The following PSG9 variants were observed in gnomAD, a reference collection of about 807,000 sequenced individuals.
The protein encoded by PSG9 is pregnancy specific beta-1-glycoprotein 9, also known as pregnancy-specific beta-1-glycoprotein 9.
In PSG9, 49 loss-of-function variants were observed where a neutral mutation model predicts 41.9. The ratio of observed to expected loss-of-function variants is 1.17; its 90% CI spans 0.93 to 1.48. PSG9 has a LOEUF of 1.48. PSG9 is among the 40% of genes most tolerant of loss of function. PSG9 has a pLI of 0.00. For synonymous variants in PSG9, 263 were observed against 196.8 expected (o/e 1.34, Z -2.82); for missense variants, 641 against 520.3 (o/e 1.23, Z -2.26).
At position 43,258,399 on chromosome 19, in the gene PSG9, T is replaced by A. The variant is rs112346011; in HGVS notation, c.1046A>T (p.Asn349Ile). ...TTCCGTGAAGCAGGACAAGTCGAGG[T>A]TTTCTCCTGAACGGTAATAGGTGAA... The part of the protein sequence containing the change: ...PSFTYYRSGE[N>I]LDLSCFTESN... The change falls in exon 5 of 6, where the codon AAC becomes ATC. Residue 349 changes from asparagine (N) to isoleucine (I), a missense_variant. By Grantham distance (149) the Asn-to-Ile change is moderately radical (BLOSUM62 -3). Transcript: ENST00000270077. The A allele has an allele frequency of 2.6e-3, 4,118 of 1,591,172 alleles. 684 individuals are homozygous for A. In the African/African-American group the frequency reaches 0.051, roughly 20 times the overall value.
chr19:43,264,311 T>C (rs1968864097), intron 2 of PSG9, among the ~76,000 whole-genome samples: 1 of 152,176 alleles, frequency 6.6e-6, no homozygotes, highest in South Asian at 2.1e-4. Flanking sequence ...AAGTTGAATA[T>C]GTTGTTCCAC....
rs1479193078 is a variant in PSG9 at position 43,259,241 on chromosome 19, C to A, written c.710-106G>T. On this transcript the variant is annotated intron_variant, in intron 3 of 5. Transcript: ENST00000270077. ...CTCCCACCTCTCAGCCCACCCGAGT[C>A]CTTGAAAGCCAATAGCTGGTGCGTG... 3 of 1,486,266 alleles carry A rather than the reference C, an allele frequency of 2.0e-6. 1 individual carries two copies. Among genetic ancestry groups the A allele is most frequent in the Non-Finnish European group, 2.7e-6 (3 of 1,113,918 alleles). The allele number at this position is 1,486,266 out of a possible 1,614,324, so 92.1% of individuals were successfully genotyped here.
rs773438368 is a variant in PSG9 at position 43,267,932 on chromosome 19, T to G, written c.282A>C (p.Ala94=). Residue 94 remains alanine (A), a synonymous_variant, in exon 2 of 6, where the codon GCA becomes GCC. Coordinates refer to ENST00000270077, the MANE Select transcript of PSG9 (RefSeq NM_002784.5). ...AATATACTGTTTCTCTTCCACTGTA[T>G]GCAGGCCCATATATAATTATTTTAC... ...VDGKIIIYGP[A]YSGRETVYSN... is the part of the protein sequence containing the mutation. 2 of 1,613,678 alleles carry G rather than the reference T, an allele frequency of 1.2e-6. No homozygotes were observed. Among genetic ancestry groups the G allele is most frequent in the African/African-American group, 1.3e-5 (1 of 74,872 alleles).
At chr19:43,260,417 T>G (rs1968655827) in intron 3 of PSG9, 1 of 147,992 alleles carries the variant, frequency 6.8e-6, no homozygotes, top group Admixed American at 6.7e-5. Flanking sequence ...AAATCTAAAA[T>G]GCTTCAGTGA....
At chr19:43,267,122 A>G (rs35207205) in intron 2 of PSG9, among the ~76,000 whole-genome samples, 32,431 of 151,942 alleles carry the variant, frequency 0.21, 4,241 homozygotes, top group East Asian at 0.48. Flanking sequence ...CTTTCTATGG[A>G]CTGTCCTAAG....
In PSG9 at chr19:43,258,215, T is replaced by G; in HGVS notation, c.1230A>C (p.Thr410=). The change falls in exon 5 of 6, where the codon ACA becomes ACC. Residue 410 remains threonine (T), a synonymous_variant. Transcript: ENST00000270077. ...ATGKEISKSM[T]VKVSGPCHGD... ...GGATCCACTTACCAGAGACTTTGAC[T>G]GTCATGGATTTGGAGATTTCCTTGC... 2 of 1,592,806 alleles carry G rather than the reference T, an allele frequency of 1.3e-6. No homozygotes were observed. The highest frequency in any genetic ancestry group is 8.5e-7 in the Non-Finnish European group (1 of 1,174,484).
chr19:43,266,893 C>A (rs1968995201), intron 2 of PSG9, among the ~76,000 whole-genome samples: 2 of 152,228 alleles, frequency 1.3e-5, no homozygotes, highest in Admixed American at 6.5e-5. Context: ...ATCAAATAAA[C>A]TAAATGGCAA....
At chr19:43,257,473 C>T (rs56313579) in intron 5 of PSG9, 66,775 of 976,808 alleles carry the variant, frequency 0.068, 5,384 homozygotes, top group Middle Eastern at 0.098. Context: ...GTCCTCCGTG[C>T]TGTGTCCCAC....
chr19:43,268,740 G>GT (rs878914818), intron 1 of PSG9, among the ~76,000 whole-genome samples: 20 of 151,502 alleles, frequency 1.3e-4, no homozygotes, highest in African/African-American at 3.2e-4. Flanking sequence ...TGCCCTGGGT[G>GT]TTTTTTTTTC....
rs779626288 is a variant in PSG9, at chr19:43,256,611, GAGAT to G, written c.1243+1587_1243+1590del. Among the ~76,000 whole-genome samples the G allele has an allele frequency of 2.8e-4, 41 of 146,386 alleles. 4 individuals are homozygous for G. Among genetic ancestry groups the G allele is most frequent in the Non-Finnish European group, 5.2e-4 (35 of 67,372 alleles). On this transcript the variant is annotated intron_variant, in intron 5 of 5. Coordinates refer to ENST00000270077, the MANE Select transcript of PSG9 (RefSeq NM_002784.5). ...AGTTCCTCAGCATCACGAATACCTG[GAGAT>G]ATGCAAATCAAACCCACAATGCTAC...
At position 43,253,762 on chromosome 19, in the gene PSG9, G is replaced by A. The variant is rs564821179; in HGVS notation, c.1244-116C>T. 2.5e-4 allele frequency: 160 copies of A among 637,822 alleles called. 4 individuals carry two copies. The highest frequency in any genetic ancestry group is 9.6e-4 in the South Asian group (44 of 46,058). 39.5% of individuals were successfully genotyped at this position (637,822 alleles called of 1,614,324 possible). A position where few individuals can be genotyped will look rare whatever the true frequency, so the allele number is the denominator to read the frequency against. ...GTGAAAGCAAGCCTAGTTCTCTGAG[G>A]CTCTATTTAACTCTAATGGGTGGCT... On this transcript the variant is annotated intron_variant, in intron 5 of 5. Transcript: ENST00000270077.
intron 5 of PSG9, chr19:43,257,829 G>A (rs1968503045): frequency 7.4e-7 from 1 of 1,354,176 alleles, no homozygotes; most frequent in South Asian, 2.1e-5. Context: ...GTCCCTTGTA[G>A]CTCATGGAAT....
At chr19:43,262,363 T>A (rs1968766070) in intron 2 of PSG9, among the ~76,000 whole-genome samples, 1 of 152,074 alleles carries the variant, frequency 6.6e-6, no homozygotes, top group African/African-American at 2.4e-5. Context: ...TAAGTGTGAA[T>A]TGAGCAGCAG....
rs1238411176 is a variant in PSG9 at position 43,268,073 on chromosome 19, C to T, written c.141G>A (p.Glu47=). The T allele has an allele frequency of 4.3e-6, 7 of 1,613,628 alleles. No individual in the cohort carries two copies. The African/African-American group carries it at 9.4e-5, about 22-fold the overall frequency. The change falls in exon 2 of 6, where the codon GAG becomes GAA. Residue 47 remains glutamate, a synonymous_variant. Transcript: ENST00000270077. ...GGACAAGTAGAAGAACATCCTTCCC[C>T]TCAGAAACTTTGGGTGGCTGGGCTT... The part of the protein sequence containing the change: ...TIEAQPPKVS[E]GKDVLLLVHN...
chr19:43,253,412 A>G lies in PSG9; in HGVS notation c.*197T>C. 1 of 424,622 alleles carries G rather than the reference A, an allele frequency of 2.4e-6. No homozygotes were observed. The highest frequency in any genetic ancestry group is 4.1e-6 in the Non-Finnish European group (1 of 242,784). 26.3% of individuals were successfully genotyped at this position (424,622 alleles called of 1,614,324 possible). A position where few individuals can be genotyped will look rare whatever the true frequency, so the allele number is the denominator to read the frequency against. On this transcript the variant is annotated 3_prime_UTR_variant, in exon 6 of 6. Coordinates refer to ENST00000270077, the MANE Select transcript of PSG9 (RefSeq NM_002784.5). ...ATTTTTGTTTACAAAAGTATACTTT[A>G]CCAATTGCTGAAGAAAAAAAGTTCA...
chr19:43,258,160 C>A, intron 5 of PSG9, 42 bp downstream of exon 5: 1 of 1,592,120 alleles, frequency 6.3e-7, no homozygotes, highest in Non-Finnish European at 8.5e-7. Context: ...CAGATAGACT[C>A]CACATAAAAC....
chr19:43,258,603 T>C lies in PSG9; in HGVS notation c.989-147A>G, dbSNP rs935168096. The C allele has an allele frequency of 3.0e-5, 42 of 1,406,234 alleles. 7 individuals carry two copies. In the African/African-American group the frequency reaches 5.6e-4, roughly 19 times the overall value. 87.1% of individuals were successfully genotyped at this position (1,406,234 alleles called of 1,614,324 possible). On this transcript the variant is annotated intron_variant, in intron 4 of 5. Coordinates refer to ENST00000270077, the MANE Select transcript of PSG9 (RefSeq NM_002784.5). Reference sequence around the variant, plus strand: ...CCTCTATGTTCACTGAGCTGAAGCCTGAGGTATTCACCTGTTTCTCCCATC... The same window carrying C: ...CCTCTATGTTCACTGAGCTGAAGCCCGAGGTATTCACCTGTTTCTCCCATC...
At position 43,259,122 on chromosome 19, in the gene PSG9, G is replaced by T. The variant is rs4028445; in HGVS notation, c.723C>A (p.Ile241=). 8.2e-6 allele frequency: 13 copies of T among 1,590,558 alleles called. No individual in the cohort carries two copies. Among genetic ancestry groups the T allele is most frequent in the Non-Finnish European group, 1.1e-5 (13 of 1,174,304 alleles). Residue 241 remains isoleucine (I), a synonymous_variant, in exon 4 of 6, where the codon ATC becomes ATA. Coordinates refer to ENST00000270077, the MANE Select transcript of PSG9 (RefSeq NM_002784.5). ...TTAAGTTGTTGATGGTGATGTAGGG[G>T]ATGGGCAGCTTCGCTGTGTGGATAA... ...VTLNLLPKLP[I]PYITINNLNP...
At position 43,258,266 on chromosome 19, in the gene PSG9, A is replaced by G; in HGVS notation, c.1179T>C (p.Ala393=). The G allele has an allele frequency of 6.3e-7, 1 of 1,593,002 alleles. No homozygotes were observed. The highest frequency in any genetic ancestry group is 1.4e-5 in the African/African-American group (1 of 70,966). Residue 393 remains alanine (A), a synonymous_variant, in exon 5 of 6, where the codon GCT becomes GCC. Coordinates refer to ENST00000270077, the MANE Select transcript of PSG9 (RefSeq NM_002784.5). ...QITRNHSGLY[A]CSVHNSATGK... ...CAGTGGCTGAGTTATGAACAGAGCAAGCATAGAGCCCGCTATGATTTCTAG... is the reference window on the plus strand; with the variant it reads ...CAGTGGCTGAGTTATGAACAGAGCAGGCATAGAGCCCGCTATGATTTCTAG...
Sources: gnomAD v4.1 joint callset for allele counts (sites outside exome capture counted in the v4.1 genomes callset) on GRCh38, gnomAD v4.1.1 for gene constraint, MANE v1.5 for transcripts, NCBI Gene and HGNC (gene_info 2026-07-23, HGNC 2026-07-21) for gene names.